The following SLC68A1 variants were observed in gnomAD, a reference collection of about 807,000 sequenced individuals.
SLC68A1 encodes major facilitator superfamily domain containing 13A.
At chr10:102,472,656 TTAGA>T in the SLC68A1 span, among the ~76,000 whole-genome samples, 22 of 152,166 alleles carry the variant, frequency 1.4e-4, no homozygotes, top group Non-Finnish European at 3.1e-4. Context: ...TTTAGCAAAG[TTAGA>T]TAGCACCAGG....
chr10:102,472,927 T>C, the SLC68A1 span: 9 of 1,613,972 alleles, frequency 5.6e-6, no homozygotes, highest in Non-Finnish European at 6.8e-6. Flanking sequence ...CATATCTCCC[T>C]TTCCACGGGC....
At chr10:102,468,958 C>T in the SLC68A1 span, 6 of 1,370,438 alleles carry the variant, frequency 4.4e-6, no homozygotes, top group Admixed American at 4.3e-5. Flanking sequence ...TCCCCAGGGA[C>T]GAGGATGGGA....
At chr10:102,476,074 A>AG in the SLC68A1 span, 9 of 1,167,794 alleles carry the variant, frequency 7.7e-6, no homozygotes, top group Admixed American at 5.0e-5. Context: ...AGGATTTCAT[A>AG]GTTTTTTTTT....
chr10:102,464,739 G>A, the SLC68A1 span, among the ~76,000 whole-genome samples: 3 of 140,552 alleles, frequency 2.1e-5, no homozygotes, highest in African/African-American at 2.7e-5. Flanking sequence ...GCAGTAAGCC[G>A]AGATTGTGCC....
the SLC68A1 span, chr10:102,468,981 G>A: frequency 3.2e-6 from 5 of 1,549,454 alleles, no homozygotes; most frequent in Non-Finnish European, 4.4e-6. Flanking sequence ...ACCGCCTGTG[G>A]CCATGAGCCC....
At chr10:102,475,723 T>A in the SLC68A1 span, 1 of 1,595,528 alleles carries the variant, frequency 6.3e-7, no homozygotes, top group East Asian at 2.2e-5. Context: ...TTGTCCTAGG[T>A]CATGACCTCT....
chr10:102,470,715 C>A, the SLC68A1 span: 1 of 1,612,798 alleles, frequency 6.2e-7, no homozygotes, highest in Non-Finnish European at 8.5e-7. Flanking sequence ...CGGGTGCAGG[C>A]CCTGGGCTGG....
chr10:102,464,884 C>T, the SLC68A1 span, among the ~76,000 whole-genome samples: 1 of 151,812 alleles, frequency 6.6e-6, no homozygotes, highest in African/African-American at 2.4e-5. Context: ...TTTGGGAGGC[C>T]GAGGCAGGTA....
At chr10:102,469,639 G>A in the SLC68A1 span, among the ~76,000 whole-genome samples, 2 of 151,384 alleles carry the variant, frequency 1.3e-5, no homozygotes, top group Non-Finnish European at 2.9e-5. Context: ...CTCCGCCTTC[G>A]TGGTTCAAGT....
At chr10:102,470,264 G>A in the SLC68A1 span, among the ~76,000 whole-genome samples, 1 of 151,472 alleles carries the variant, frequency 6.6e-6, no homozygotes, top group Non-Finnish European at 1.5e-5. Context: ...ACGTACACTT[G>A]CCTGGCTCGG....
the SLC68A1 span, chr10:102,469,294 C>T: frequency 3.1e-6 from 4 of 1,283,158 alleles, no homozygotes; most frequent in Admixed American, 5.5e-5. Context: ...CCTGGTCCCA[C>T]CCAGTCAGAG....
chr10:102,465,594 G>A, the SLC68A1 span, among the ~76,000 whole-genome samples: 2 of 152,170 alleles, frequency 1.3e-5, no homozygotes, highest in African/African-American at 4.8e-5. Flanking sequence ...CTGGCTCAAG[G>A]CCACCAGCTG....
the SLC68A1 span, among the ~76,000 whole-genome samples, chr10:102,464,471 A>G: frequency 1.3e-5 from 2 of 150,148 alleles, no homozygotes; most frequent in African/African-American, 4.9e-5. Context: ...AAATCATGAA[A>G]CCAAACTTCA....
chr10:102,471,180 C>A, the SLC68A1 span: 1 of 386,958 alleles, frequency 2.6e-6, no homozygotes, highest in Non-Finnish European at 4.0e-6. Context: ...GATTTCGGTG[C>A]TGGGTCCCCG....
At chr10:102,470,037 T>TTGGCTCAGTGACCGGCAG in the SLC68A1 span, 3 of 1,613,954 alleles carry the variant, frequency 1.9e-6, no homozygotes, top group Non-Finnish European at 2.5e-6. Context: ...CCCTCTTCGG[T>TTGGCTCAGTGACCGGCAG]TGGCTCAGTG....
the SLC68A1 span, chr10:102,472,357 G>C: frequency 3.9e-6 from 1 of 257,766 alleles, no homozygotes; most frequent in African/African-American, 2.4e-5. Flanking sequence ...CTGCCTCCTG[G>C]GTTCAAATGA....
the SLC68A1 span, chr10:102,475,871 C>CT: frequency 6.2e-7 from 1 of 1,613,880 alleles, no homozygotes; most frequent in South Asian, 1.1e-5. Context: ...CTGTGCTCTG[C>CT]TGCAGCTCTT....
chr10:102,467,748 C>T, the SLC68A1 span, among the ~76,000 whole-genome samples: 1 of 152,112 alleles, frequency 6.6e-6, no homozygotes, highest in Admixed American at 6.5e-5. Context: ...CCTCTGCCTC[C>T]CGGGTTCAAG....
the SLC68A1 span, chr10:102,476,985 G>A: frequency 1.3e-4 from 129 of 985,688 alleles, no homozygotes; most frequent in Non-Finnish European, 1.4e-4. Flanking sequence ...ACCCCCACAC[G>A]GCCTCTAAAG....
Sources: allele counts gnomAD v4.1 joint callset (sites outside exome capture counted in the v4.1 genomes callset), GRCh38; gene constraint gnomAD v4.1.1; transcripts MANE v1.5; gene names NCBI Gene and HGNC (gene_info 2026-07-23, HGNC 2026-07-21).